SUGCT: variants seen among roughly 807,000 people sequenced by gnomAD.
The protein encoded by SUGCT is succinyl-CoA:glutarate CoA-transferase.
Under a neutral mutation model 55.0 loss-of-function variants are expected in SUGCT, and 41 were observed. The observed-to-expected ratio is 0.74, with a 90% confidence interval of 0.58 to 0.97. The LOEUF is 0.97. Ranked by LOEUF, SUGCT falls within the 50% of genes least tolerant of loss-of-function variation. SUGCT has a pLI of 0.00. For missense variants in SUGCT, 568 were observed against 547.8 expected, an observed-to-expected ratio of 1.04 and a Z score of -0.37; for synonymous variants, 187 against 200.4, an observed-to-expected ratio of 0.93 and a Z score of 0.56.
At chr7:40,534,931 A>G (rs892095200) in intron 12 of SUGCT, among the ~76,000 whole-genome samples, 2 of 152,164 alleles carry the variant, frequency 1.3e-5, no homozygotes. Context: ...CAAAACTGAA[A>G]TGATTTCAAA....
intron 1 of SUGCT, among the ~76,000 whole-genome samples, chr7:40,151,346 T>C (rs1405616603): frequency 6.6e-6 from 1 of 152,240 alleles, no homozygotes; most frequent in Non-Finnish European, 1.5e-5. Flanking sequence ...CCTGAGCACA[T>C]GAGGCCAGTG....
intron 12 of SUGCT, among the ~76,000 whole-genome samples, chr7:40,655,923 AT>A (rs1253928392): frequency 6.6e-6 from 1 of 152,172 alleles, no homozygotes; most frequent in Non-Finnish European, 1.5e-5. Flanking sequence ...GTCTCATTAT[AT>A]TTGCCAAAAA....
At chr7:40,614,759 C>T (rs918717546) in intron 12 of SUGCT, among the ~76,000 whole-genome samples, 3 of 152,082 alleles carry the variant, frequency 2.0e-5, no homozygotes, top group African/African-American at 7.2e-5. Flanking sequence ...ACCTGTGTCT[C>T]AGTTTCTTTA....
chr7:40,256,944 A>G (rs1012354731), intron 7 of SUGCT, among the ~76,000 whole-genome samples: 5 of 152,066 alleles, frequency 3.3e-5, no homozygotes, highest in African/African-American at 1.2e-4. Context: ...GGGTTTCACC[A>G]TCTTGGCCGG....
intron 3 of SUGCT, 60 bp from the exon 4 acceptor site, chr7:40,188,434 CA>C (rs35948652): frequency 0.094 from 55,928 of 591,932 alleles, 184 homozygotes; most frequent in African/African-American, 0.23. Flanking sequence ...ACTCCATCTC[CA>C]AAAAAAAAAA....
At chr7:40,648,702 C>A (rs1800639255) in intron 12 of SUGCT, among the ~76,000 whole-genome samples, 1 of 152,160 alleles carries the variant, frequency 6.6e-6, no homozygotes, top group African/African-American at 2.4e-5. Context: ...GGAAGATGGC[C>A]CTGTGAAGGT....
At chr7:40,267,144 T>G (rs1791641978) in intron 7 of SUGCT, among the ~76,000 whole-genome samples, 1 of 152,188 alleles carries the variant, frequency 6.6e-6, no homozygotes, top group Non-Finnish European at 1.5e-5. Context: ...TTTAGTATTT[T>G]TATTTAATAC....
chr7:40,241,699 A>C (rs1789403418), intron 7 of SUGCT, among the ~76,000 whole-genome samples: 1 of 151,664 alleles, frequency 6.6e-6, no homozygotes, highest in Non-Finnish European at 1.5e-5. Flanking sequence ...AGGCAGGCAG[A>C]TCATGAGGTC....
intron 12 of SUGCT, chr7:40,538,060 A>G (rs892769440): frequency 6.6e-6 from 1 of 152,060 alleles, no homozygotes; most frequent in African/African-American, 2.4e-5. Context: ...ATTTGCATTC[A>G]TCTGTAGGTG....
At chr7:40,943,535 G>GT in the SUGCT span, among the ~76,000 whole-genome samples, 2 of 147,094 alleles carry the variant, frequency 1.4e-5, no homozygotes, top group Admixed American at 6.9e-5. Context: ...GCGGTGTTTG[G>GT]TTTTTTGTCC....
At chr7:40,804,994 T>C (rs1791016875) in intron 13 of SUGCT, among the ~76,000 whole-genome samples, 1 of 152,190 alleles carries the variant, frequency 6.6e-6, no homozygotes. Flanking sequence ...CCTTGTTTAC[T>C]GTACTTATTC....
At chr7:40,448,236 CCCTCCCTCCCTTCCTT>C (rs1562784832) in intron 9 of SUGCT, among the ~76,000 whole-genome samples, 1 of 141,204 alleles carries the variant, frequency 7.1e-6, no homozygotes, top group Non-Finnish European at 1.5e-5. Context: ...CTCCCTCCCT[CCCTCCCTCCCTTCCTT>C]CCTTCCTTCC....
At position 40,180,937 on chromosome 7, in the gene SUGCT, G is replaced by A. The variant is rs1180388154; in HGVS notation, c.101-10G>A. 7.5e-6 allele frequency: 12 copies of A among 1,596,034 alleles called. No homozygotes were observed. Among genetic ancestry groups the A allele is most frequent in the Non-Finnish European group, 1.0e-5 (12 of 1,165,178 alleles). On this transcript the variant is annotated splice_polypyrimidine_tract_variant and intron_variant, in intron 1 of 13. Transcript: ENST00000335693. ...TGAATTATCTTGAAATGTTTTCTCTGTTTTGCCAGATATGAACAATATAAA... is the reference window on the plus strand; with the variant it reads ...TGAATTATCTTGAAATGTTTTCTCTATTTTGCCAGATATGAACAATATAAA...
At chr7:40,357,513 A>T (rs913897259) in intron 9 of SUGCT, among the ~76,000 whole-genome samples, 3 of 152,180 alleles carry the variant, frequency 2.0e-5, no homozygotes, top group Non-Finnish European at 4.4e-5. Context: ...TGCATCAAAA[A>T]GATGTGCAAA....
the SUGCT span, among the ~76,000 whole-genome samples, chr7:40,904,416 C>T: frequency 2.0e-5 from 3 of 152,114 alleles, no homozygotes; most frequent in Non-Finnish European, 4.4e-5. Flanking sequence ...ACGTAATTTG[C>T]TTCATTAACT....
chr7:40,359,164 CATGT>C (rs112419807), intron 9 of SUGCT, among the ~76,000 whole-genome samples: 2,106 of 151,892 alleles, frequency 0.014, 45 homozygotes, highest in African/African-American at 0.045. Context: ...TATGTATGTA[CATGT>C]ATGTATGTAT....
intron 12 of SUGCT, among the ~76,000 whole-genome samples, chr7:40,602,574 CTCAGTTTG>C (rs2151756014): frequency 6.6e-6 from 1 of 152,310 alleles, no homozygotes; most frequent in East Asian, 1.9e-4. Context: ...GGACCACAGA[CTCAGTTTG>C]TCAGTTTGCC....
At chr7:40,462,880 A>G (rs1230686219) in intron 11 of SUGCT, among the ~76,000 whole-genome samples, 1 of 152,038 alleles carries the variant, frequency 6.6e-6, no homozygotes, top group Non-Finnish European at 1.5e-5. Flanking sequence ...AGTTTTCCAT[A>G]TTTTTCATAA....
intron 13 of SUGCT, among the ~76,000 whole-genome samples, chr7:40,812,302 T>A (rs1317436935): frequency 6.6e-6 from 1 of 152,068 alleles, no homozygotes; most frequent in African/African-American, 2.4e-5. Flanking sequence ...ATTGGTACCA[T>A]CTCTTCTTTG....
Sources: allele counts gnomAD v4.1 joint callset (sites outside exome capture counted in the v4.1 genomes callset), GRCh38; gene constraint gnomAD v4.1.1; transcripts MANE v1.5; gene names NCBI Gene and HGNC (gene_info 2026-07-23, HGNC 2026-07-21).